The following EFR3A variants were observed in gnomAD, a reference collection of about 807,000 sequenced individuals.
EFR3A encodes protein EFR3 homolog A.
A neutral mutation model predicts 104.4 loss-of-function variants in EFR3A; 76 were observed. That is an observed-to-expected ratio of 0.73 (90% CI 0.60 to 0.88). The LOEUF (loss-of-function observed/expected upper bound fraction) is 0.88. Among genes scored for constraint, EFR3A ranks in the 40% least tolerant of loss-of-function variants. The pLI, the probability that EFR3A is intolerant of heterozygous loss-of-function variation, is 0.00. For synonymous variants in EFR3A, 330 were observed against 330.0 expected (o/e 1.00, Z 0.00); for missense variants, 985 against 1,012.5 (o/e 0.97, Z 0.37).
chr8:131,965,933 C>T (rs1056069399), intron 8 of EFR3A, among the ~76,000 whole-genome samples: 3 of 151,832 alleles, frequency 2.0e-5, no homozygotes, highest in African/African-American at 7.3e-5. Flanking sequence ...AAATTGGAAA[C>T]CATCATTCTC....
chr8:132,001,792 T>C lies in EFR3A; in HGVS notation c.2191T>C (p.Leu731=). 3.7e-6 allele frequency: 6 copies of C among 1,613,404 alleles called. No homozygotes were observed. The highest frequency in any genetic ancestry group is 1.3e-5 in the African/African-American group (1 of 75,032). The change falls in exon 20 of 23, where the codon TTG becomes CTG. Residue 731 remains leucine, a synonymous_variant. Coordinates refer to ENST00000254624, the MANE Select transcript of EFR3A (RefSeq NM_015137.6). ...CACTGAAGAAATCACTTTTGAAGCA[T>C]TGAAGAAAGCAATTGGTGAGATATT... The part of the protein sequence containing the change: ...SNTEEITFEA[L]KKAIDTSGME...
At chr8:131,910,304 C>T (rs1222604699) in intron 1 of EFR3A, among the ~76,000 whole-genome samples, 2 of 152,208 alleles carry the variant, frequency 1.3e-5, no homozygotes, top group Non-Finnish European at 2.9e-5. Flanking sequence ...TGGAGTCTCA[C>T]TCTGTAGCCC....
intron 1 of EFR3A, among the ~76,000 whole-genome samples, chr8:131,935,177 T>C (rs962314642): frequency 6.6e-6 from 1 of 152,226 alleles, no homozygotes; most frequent in Non-Finnish European, 1.5e-5. Context: ...GGAAAAATCA[T>C]ATCATTCTGG....
In EFR3A at chr8:131,904,244, G is replaced by C; in HGVS notation, c.-69G>C. 1 of 1,278,400 alleles carries C rather than the reference G, an allele frequency of 7.8e-7. No individual in the cohort carries two copies. The highest frequency in any genetic ancestry group is 9.9e-7 in the Non-Finnish European group (1 of 1,010,468). The allele number at this position is 1,278,400 out of a possible 1,614,324, so 79.2% of individuals were successfully genotyped here. ...TCCGCGGCCCAGCAACGGCCGTCAT[G>C]GTGCCGTCGGCGCTCCCTGCGCGGC... On this transcript the variant is annotated 5_prime_UTR_variant, in exon 1 of 23. It removes an upstream start codon present in the reference 5' UTR. Transcript: ENST00000254624.
At chr8:132,003,184 A>T (rs1821871904) in intron 21 of EFR3A, 52 bp from the exon 22 acceptor site, 1 of 1,370,112 alleles carries the variant, frequency 7.3e-7, no homozygotes. Flanking sequence ...ATATTATTAT[A>T]TATAGATACC....
chr8:131,970,735 A>C (rs1586627663), intron 10 of EFR3A, 92 bp downstream of exon 10: 2 of 1,225,334 alleles, frequency 1.6e-6, no homozygotes, highest in East Asian at 4.9e-5. Context: ...TACATTTGTC[A>C]AAGATGAATG....
intron 22 of EFR3A, among the ~76,000 whole-genome samples, chr8:132,004,332 A>G (rs1821931645): frequency 6.6e-6 from 1 of 152,222 alleles, no homozygotes; most frequent in South Asian, 2.1e-4. Context: ...AGCAGTGGGC[A>G]AGTGAACATT....
rs1254014224 is a variant in EFR3A, at chr8:132,010,991, C to G, written c.*96C>G. On this transcript the variant is annotated 3_prime_UTR_variant, in exon 23 of 23. Transcript: ENST00000254624. ...TTACTTAATGTGTATTAACATACTT[C>G]TTGAAAATAATGATGGAACATATCT... 2 of 1,350,936 alleles carry G rather than the reference C, an allele frequency of 1.5e-6. No homozygotes were observed. Among genetic ancestry groups the G allele is most frequent in the African/African-American group, 2.9e-5 (2 of 69,438 alleles). The allele number at this position is 1,350,936 out of a possible 1,614,324, so 83.7% of individuals were successfully genotyped here. A position where few individuals can be genotyped will look rare whatever the true frequency, so the allele number is the denominator to read the frequency against.
At chr8:132,002,566 T>C in intron 20 of EFR3A, 37 bp from the exon 21 acceptor site, 2 of 1,531,290 alleles carry the variant, frequency 1.3e-6, no homozygotes, top group Non-Finnish European at 1.8e-6. Flanking sequence ...TGAAATTATG[T>C]ATTCCCTTTA....
chr8:131,947,486 G>A (rs1818497091), intron 4 of EFR3A, among the ~76,000 whole-genome samples: 1 of 148,856 alleles, frequency 6.7e-6, no homozygotes, highest in Admixed American at 6.7e-5. Flanking sequence ...TTCATGGTAT[G>A]CTTTGAGTCA....
intron 1 of EFR3A, among the ~76,000 whole-genome samples, chr8:131,929,940 C>T (rs78511510): frequency 1.4e-4 from 21 of 152,204 alleles, no homozygotes; most frequent in African/African-American, 5.1e-4. Context: ...TACTTTTCCT[C>T]CAAATCTAAA....
chr8:131,941,238 G>A (rs1389542975), intron 2 of EFR3A, among the ~76,000 whole-genome samples: 1 of 151,884 alleles, frequency 6.6e-6, no homozygotes, highest in South Asian at 2.1e-4. Context: ...TATTTTATTT[G>A]TGAAGATTAC....
intron 1 of EFR3A, among the ~76,000 whole-genome samples, chr8:131,912,556 C>A (rs117037161): frequency 2.5e-4 from 38 of 152,108 alleles, no homozygotes; most frequent in Non-Finnish European, 4.1e-4. Flanking sequence ...TTATCAAATA[C>A]GCAAATCTTA....
intron 1 of EFR3A, among the ~76,000 whole-genome samples, chr8:131,925,750 G>A (rs1405106713): frequency 1.3e-5 from 2 of 151,960 alleles, no homozygotes; most frequent in Non-Finnish European, 2.9e-5. Context: ...AGTGCTTTTA[G>A]GTAAAGTTGC....
chr8:131,955,829 G>A lies in EFR3A; in HGVS notation c.700G>A (p.Ala234Thr). Residue 234 changes from alanine (A) to threonine (T), a missense_variant, in exon 7 of 23, where the codon GCT (alanine) becomes ACT (threonine). Ala to Thr is a moderately conservative substitution (Grantham distance 58, BLOSUM62 0). Transcript: ENST00000254624. Reference protein sequence around the residue: ...TDKEENPAVLAENCFRELLGR... With the variant: ...TDKEENPAVLTENCFRELLGR... The stretch of plus-strand genomic sequence containing the variant: ...CAAAGAAGAGAATCCTGCTGTGCTG[G>A]CTGAAAACTGTTTCAGAGAACTGCT... 1 of 1,613,502 alleles carries A rather than the reference G, an allele frequency of 6.2e-7. No homozygotes were observed. Among genetic ancestry groups the A allele is most frequent in the Non-Finnish European group, 8.5e-7 (1 of 1,179,572 alleles).
At chr8:131,968,206 T>C (rs1819860209) in intron 8 of EFR3A, 89 bp from the exon 9 acceptor site, 5 of 1,288,518 alleles carry the variant, frequency 3.9e-6, no homozygotes, top group Non-Finnish European at 2.1e-6. Context: ...AATTGGTCAT[T>C]TACGTGTCAG....
intron 1 of EFR3A, among the ~76,000 whole-genome samples, chr8:131,904,698 C>T (rs1816152410): frequency 6.6e-6 from 1 of 152,236 alleles, no homozygotes; most frequent in African/African-American, 2.4e-5. Flanking sequence ...CCCTTCTCAC[C>T]TCGGGCCGGA....
chr8:131,980,410 A>C (rs2130738888), intron 14 of EFR3A, among the ~76,000 whole-genome samples: 1 of 152,262 alleles, frequency 6.6e-6, no homozygotes, highest in East Asian at 1.9e-4. Flanking sequence ...TATATCAAAA[A>C]ACTGGTTAAT....
intron 14 of EFR3A, among the ~76,000 whole-genome samples, chr8:131,983,359 A>C (rs1176196047): frequency 6.6e-6 from 1 of 152,132 alleles, no homozygotes; most frequent in South Asian, 2.1e-4. Flanking sequence ...GGGCAAGAGC[A>C]TGGTGGTCAT....
Sources: gnomAD v4.1 joint callset for allele counts (sites outside exome capture counted in the v4.1 genomes callset) on GRCh38, gnomAD v4.1.1 for gene constraint, MANE v1.5 for transcripts, NCBI Gene and HGNC (gene_info 2026-07-23, HGNC 2026-07-21) for gene names.